Variants in SLIT1 observed in about 807,000 individuals in gnomAD.
The protein encoded by SLIT1 is slit guidance ligand 1, also known as slit homolog 1 protein.
A neutral mutation model predicts 186.1 loss-of-function variants in SLIT1; 66 were observed. The observed-to-expected ratio is 0.35, with a 90% CI of 0.29 to 0.44. The LOEUF (loss-of-function observed/expected upper bound fraction) is 0.44, where lower values mean the gene tolerates loss of function less well. Among genes scored for constraint, SLIT1 ranks in the 20% least tolerant of loss-of-function variants. SLIT1 has a pLI of 1.00. For synonymous variants in SLIT1, 761 were observed against 833.8 expected, an observed-to-expected ratio of 0.91 and a Z score of 1.50; for missense variants, 1,638 against 2,037.4, an observed-to-expected ratio of 0.80 and a Z score of 3.77.
At chr10:97,156,329 G>C (rs1849951693) in intron 4 of SLIT1, among the ~76,000 whole-genome samples, 1 of 152,196 alleles carries the variant, frequency 6.6e-6, no homozygotes, top group South Asian at 2.1e-4. Flanking sequence ...TGTAATCCCA[G>C]CACTTTGGAA....
intron 4 of SLIT1, among the ~76,000 whole-genome samples, chr10:97,111,747 A>G (rs1211584391): frequency 6.6e-6 from 1 of 152,134 alleles, no homozygotes; most frequent in African/African-American, 2.4e-5. Flanking sequence ...CTCACCTGGG[A>G]GCGTTCACTC....
intron 4 of SLIT1, among the ~76,000 whole-genome samples, chr10:97,073,573 C>A (rs1012933678): frequency 4.6e-5 from 7 of 152,130 alleles, no homozygotes; most frequent in Non-Finnish European, 1.0e-4. Flanking sequence ...CCCAGGACAG[C>A]GCTGGGGAGA....
chr10:97,064,043 C>T (rs1848920105), intron 7 of SLIT1, 125 bp downstream of exon 7: 8 of 800,388 alleles, frequency 1.0e-5, no homozygotes, highest in Non-Finnish European at 1.7e-5. Context: ...CTGGGCTGGC[C>T]TCTGGGGGTC....
intron 28 of SLIT1, 83 bp downstream of exon 28, chr10:97,018,503 T>A (rs528288437): frequency 1.2e-6 from 1 of 838,504 alleles, no homozygotes; most frequent in South Asian, 1.7e-5. Flanking sequence ...GCCTGGGCCA[T>A]CCCTGATGGA....
At chr10:97,182,056 C>T (rs900348295) in intron 1 of SLIT1, among the ~76,000 whole-genome samples, 8 of 152,226 alleles carry the variant, frequency 5.3e-5, no homozygotes, top group African/African-American at 1.7e-4. Context: ...GGGCCGCCTC[C>T]GCCACCTCTC....
chr10:97,091,768 G>A (rs1589389415), intron 4 of SLIT1, among the ~76,000 whole-genome samples: 2 of 152,296 alleles, frequency 1.3e-5, no homozygotes, highest in South Asian at 2.1e-4. Flanking sequence ...CACAGAGCTC[G>A]TAGGAGCACA....
intron 4 of SLIT1, among the ~76,000 whole-genome samples, chr10:97,156,687 T>C (rs906170759): frequency 6.6e-5 from 10 of 152,138 alleles, no homozygotes; most frequent in Admixed American, 5.9e-4. Flanking sequence ...ACTAGCTGTG[T>C]TTAATCAGAG....
intron 25 of SLIT1, among the ~76,000 whole-genome samples, chr10:97,025,359 A>G (rs575510300): frequency 6.6e-6 from 1 of 152,320 alleles, no homozygotes; most frequent in African/African-American, 2.4e-5. Context: ...AAAGCTATTC[A>G]AAAATATAAA....
intron 4 of SLIT1, among the ~76,000 whole-genome samples, chr10:97,133,011 C>T (rs115693607): frequency 4.6e-5 from 7 of 152,174 alleles, no homozygotes; most frequent in Admixed American, 2.0e-4. Flanking sequence ...CACCAGCTAA[C>T]GTCCCCCAGT....
At chr10:97,182,454 T>C (rs560475926) in intron 1 of SLIT1, among the ~76,000 whole-genome samples, 4 of 152,344 alleles carry the variant, frequency 2.6e-5, no homozygotes, top group Admixed American at 1.3e-4. Flanking sequence ...GCCACAGTTA[T>C]TTTGAGTCTG....
intron 4 of SLIT1, among the ~76,000 whole-genome samples, chr10:97,136,940 A>G (rs1009043564): frequency 6.6e-6 from 1 of 152,194 alleles, no homozygotes; most frequent in African/African-American, 2.4e-5. Context: ...CAAAACGGAT[A>G]ACTGTCAAGG....
At position 97,010,285 on chromosome 10, in the gene SLIT1, C is replaced by G. The variant is rs1848399387; in HGVS notation, c.3341+708G>C. ...CACGGATGAACCTCAAAACATGATG[C>G]TGAGTGAAAGCAGCCAGTCACAAAG... On this transcript the variant is annotated intron_variant, in intron 31 of 36. Coordinates refer to ENST00000266058, the MANE Select transcript of SLIT1 (RefSeq NM_003061.3). This position sits in a 1 kb window ranked among gnomAD's most constrained non-coding sequence, Gnocchi z 4.8. 6.6e-6 allele frequency among the ~76,000 whole-genome samples: 1 copy of G among 152,180 alleles called. No homozygotes were observed. Among genetic ancestry groups the G allele is most frequent in the Non-Finnish European group, 1.5e-5 (1 of 68,040 alleles).
At chr10:97,011,666 G>C (rs1167429571) in intron 30 of SLIT1, among the ~76,000 whole-genome samples, 2 of 152,112 alleles carry the variant, frequency 1.3e-5, no homozygotes, top group African/African-American at 4.8e-5. Context: ...ATGCCTCACT[G>C]CTGGCCCAAA....
At chr10:97,040,251 G>T in intron 20 of SLIT1, 131 bp from the exon 21 acceptor site, 1 of 927,482 alleles carries the variant, frequency 1.1e-6, no homozygotes, top group Non-Finnish European at 1.5e-6. Flanking sequence ...CCATCAGTAA[G>T]TCTGTGCACT....
At chr10:97,119,351 C>G (rs1849537802) in intron 4 of SLIT1, among the ~76,000 whole-genome samples, 1 of 152,118 alleles carries the variant, frequency 6.6e-6, no homozygotes, top group African/African-American at 2.4e-5. Flanking sequence ...GCGGGGGAAG[C>G]TAGTGGGTCT....
chr10:97,110,223 C>T (rs775229895), intron 4 of SLIT1, among the ~76,000 whole-genome samples: 9 of 152,176 alleles, frequency 5.9e-5, no homozygotes, highest in Non-Finnish European at 8.8e-5. Flanking sequence ...AAAACAGTTC[C>T]GATGACAGAG....
intron 4 of SLIT1, chr10:97,157,502 C>A (rs938548838): frequency 8.5e-6 from 3 of 354,580 alleles, no homozygotes; most frequent in Non-Finnish European, 1.5e-5. Flanking sequence ...TAAGAATGAG[C>A]CCCTGTAAAG....
intron 23 of SLIT1, among the ~76,000 whole-genome samples, chr10:97,034,026 G>A (rs182168726): frequency 3.2e-4 from 48 of 152,158 alleles, no homozygotes; most frequent in African/African-American, 1.2e-3. Context: ...CACCCAGCCC[G>A]ATTAATTTTT....
At chr10:97,013,448 C>T (rs1368735252) in intron 30 of SLIT1, among the ~76,000 whole-genome samples, 3 of 152,184 alleles carry the variant, frequency 2.0e-5, no homozygotes, top group Non-Finnish European at 4.4e-5. Context: ...CCCTTGCAAT[C>T]ACCCCAGGAG....
Sources: allele counts gnomAD v4.1 joint callset (sites outside exome capture counted in the v4.1 genomes callset), GRCh38; gene constraint gnomAD v4.1.1; non-coding constraint Gnocchi (gnomAD v3.1); transcripts MANE v1.5; gene names NCBI Gene and HGNC (gene_info 2026-07-23, HGNC 2026-07-21).